The following RERG variants were observed in gnomAD, a reference collection of about 807,000 sequenced individuals.
RERG encodes the protein ras-related and estrogen-regulated growth inhibitor.
In RERG, 25 loss-of-function variants were observed where a neutral mutation model predicts 23.2. That is an observed-to-expected ratio of 1.08 (90% CI 0.79 to 1.50). RERG has a LOEUF of 1.50. Ranked by LOEUF, RERG falls within the 40% of genes most tolerant of loss-of-function variation. The pLI, the probability that RERG is intolerant of heterozygous loss-of-function variation, is 0.00. For missense variants in RERG, 253 were observed against 250.1 expected (o/e 1.01, Z -0.08); for synonymous variants, 81 against 89.1 (o/e 0.91, Z 0.51).
intron 2 of RERG, among the ~76,000 whole-genome samples, chr12:15,203,042 TTTGCA>T (rs1865238754): frequency 6.6e-6 from 1 of 151,818 alleles, no homozygotes; most frequent in Admixed American, 6.6e-5. Context: ...GCAGTTTTGA[TTTGCA>T]TTGCCCTGAT....
intron 2 of RERG, among the ~76,000 whole-genome samples, chr12:15,129,102 G>T (rs549644749): frequency 6.6e-6 from 1 of 152,302 alleles, no homozygotes; most frequent in East Asian, 1.9e-4. Context: ...AAAGCCACAT[G>T]GGGACCATGA....
intron 2 of RERG, among the ~76,000 whole-genome samples, chr12:15,126,154 T>TATATATATATATATAA (rs1863937383): frequency 7.2e-6 from 1 of 138,798 alleles, no homozygotes; most frequent in Non-Finnish European, 1.6e-5. Flanking sequence ...TATATATATG[T>TATATATATATATATAA]ATTTACACAC....
chr12:15,109,342 T>G lies in RERG; in HGVS notation c.368A>C (p.Asp123Ala), dbSNP rs766838219. 6.2e-7 allele frequency: 1 copy of G among 1,614,142 alleles called. No homozygotes were observed. The highest frequency in any genetic ancestry group is 8.5e-7 in the Non-Finnish European group (1 of 1,180,026). ...TTCTGTGCTAACCTGCCTGGAGTGG[T>G]CCAAGTCAGCTTTGTTTCCAACCAA... The part of the protein sequence containing the change: ...LILVGNKADL[D>A]HSRQVSTEEG... Residue 123 changes from aspartate (D) to alanine (A), a missense_variant, in exon 5 of 5, where the codon GAC becomes GCC. Coordinates refer to ENST00000256953, the MANE Select transcript of RERG (RefSeq NM_032918.3).
intron 2 of RERG, among the ~76,000 whole-genome samples, chr12:15,147,784 A>C (rs1230419773): frequency 6.6e-6 from 1 of 152,228 alleles, no homozygotes; most frequent in Non-Finnish European, 1.5e-5. Flanking sequence ...ATGTATGTTT[A>C]TTTAAAATTC....
chr12:15,116,610 C>G (rs1863725598), intron 3 of RERG, among the ~76,000 whole-genome samples: 1 of 151,960 alleles, frequency 6.6e-6, no homozygotes, highest in Admixed American at 6.6e-5. Flanking sequence ...TGGGTTCATA[C>G]CATTTTAAGC....
intron 2 of RERG, among the ~76,000 whole-genome samples, chr12:15,139,014 C>CTTTTTTTTTTTTTTTTTTTTT (rs34755371): frequency 2.0e-5 from 1 of 51,126 alleles, no homozygotes; most frequent in African/African-American, 7.2e-5. Flanking sequence ...TGTGTCTAGA[C>CTTTTTTTTTTTTTTTTTTTTT]TTTTTTTTTT....
intron 2 of RERG, among the ~76,000 whole-genome samples, chr12:15,193,322 T>C (rs75194798): frequency 0.015 from 2,327 of 152,296 alleles, 86 homozygotes; most frequent in African/African-American, 0.054. Flanking sequence ...CTGTTATTTA[T>C]TTTGCTTAAA....
chr12:15,162,810 G>A (rs4764176), intron 2 of RERG, among the ~76,000 whole-genome samples: 25,514 of 152,116 alleles, frequency 0.17, 2,257 homozygotes, highest in East Asian at 0.23. Flanking sequence ...TCTCAGAAAG[G>A]TAAACTTGCC....
chr12:15,184,886 GAGA>G (rs752753361), intron 2 of RERG, among the ~76,000 whole-genome samples: 1 of 152,174 alleles, frequency 6.6e-6, no homozygotes, highest in South Asian at 2.1e-4. Flanking sequence ...GGCAGGCATA[GAGA>G]AGGACATTCT....
rs34234575 is a variant in RERG, at chr12:15,129,278, C to CAA, written c.62-8161_62-8160dup. Reference sequence around the variant, plus strand: ...ATGAGCTGGATTGGAAATAAGATGTCAAAAAAAAAAAAACCCTCAGAAAAT... The same window carrying CAA: ...ATGAGCTGGATTGGAAATAAGATGTCAAAAAAAAAAAAAAACCCTCAGAAAAT... On this transcript the variant is annotated intron_variant, in intron 2 of 4. Transcript: ENST00000256953. Among the ~76,000 whole-genome samples the CAA allele has an allele frequency of 2.7e-4, 36 of 135,294 alleles. No individual in the cohort carries two copies. In the South Asian group the frequency reaches 3.1e-3, roughly 12 times the overall value. The allele number at this position is 135,294 out of a possible 152,430, so 88.8% of individuals were successfully genotyped here. A position where few individuals can be genotyped will look rare whatever the true frequency, so the allele number is the denominator to read the frequency against.
intron 2 of RERG, 75 bp from the exon 3 acceptor site, chr12:15,121,194 C>A (rs940081454): frequency 3.1e-5 from 33 of 1,064,710 alleles, no homozygotes; most frequent in African/African-American, 6.3e-5. Context: ...TTAAGGAAAG[C>A]GAAATGCTCC....
chr12:15,124,876 G>A (rs1178845421), intron 2 of RERG, among the ~76,000 whole-genome samples: 1 of 151,742 alleles, frequency 6.6e-6, no homozygotes, highest in South Asian at 2.1e-4. Flanking sequence ...CCAATTAAAA[G>A]TGCTTCAAGG....
intron 2 of RERG, among the ~76,000 whole-genome samples, chr12:15,124,669 C>A (rs1231272662): frequency 6.6e-6 from 1 of 151,982 alleles, no homozygotes; most frequent in Non-Finnish European, 1.5e-5. Flanking sequence ...TGCTATATAA[C>A]AAATCCGCTC....
intron 2 of RERG, among the ~76,000 whole-genome samples, chr12:15,169,920 ATGTGTGTGTGTGTG>A (rs61079713): frequency 1.1e-3 from 157 of 137,698 alleles, no homozygotes; most frequent in African/African-American, 3.2e-3. Flanking sequence ...TCTGCTAAAA[ATGTGTGTGTGTGTG>A]TGTGTGTGTG....
chr12:15,149,246 T>C (rs1864396747), intron 2 of RERG, among the ~76,000 whole-genome samples: 1 of 152,212 alleles, frequency 6.6e-6, no homozygotes, highest in South Asian at 2.1e-4. Flanking sequence ...GCTTATTTGT[T>C]CTTTCTGAAA....
At chr12:15,206,129 T>A (rs7303595) in intron 2 of RERG, among the ~76,000 whole-genome samples, 48,182 of 151,956 alleles carry the variant, frequency 0.32, 7,734 homozygotes, top group African/African-American at 0.34. Context: ...ACTATTATCA[T>A]ATAGCACAAA....
chr12:15,127,921 C>A (rs540616469), intron 2 of RERG, among the ~76,000 whole-genome samples: 39 of 152,128 alleles, frequency 2.6e-4, no homozygotes, highest in Admixed American at 5.9e-4. Flanking sequence ...ATTAATGTTC[C>A]CACTATACAG....
rs905047501 is a variant in RERG at position 15,107,844 on chromosome 12, A to G, written c.*1266T>C. The G allele has an allele frequency of 1.3e-5, 2 of 152,604 alleles. No individual in the cohort carries two copies. The highest frequency in any genetic ancestry group is 2.9e-5 in the Non-Finnish European group (2 of 67,990). The allele number at this position is 152,604 out of a possible 1,614,324, so 9.5% of individuals were successfully genotyped here. A position where few individuals can be genotyped will look rare whatever the true frequency, so the allele number is the denominator to read the frequency against. On this transcript the variant is annotated 3_prime_UTR_variant, in exon 5 of 5. Transcript: ENST00000256953. ...ACATAAAATAAAGTCAGTTACATCA[A>G]GTTGTCCAAATGCATTGGTGAATTA...
chr12:15,177,836 TTTG>T (rs1156443182), intron 2 of RERG, among the ~76,000 whole-genome samples: 6 of 130,892 alleles, frequency 4.6e-5, no homozygotes, highest in Admixed American at 2.3e-4. Flanking sequence ...GCTCCCTCTG[TTTG>T]TTTTTTTTTT....
Sources: gnomAD v4.1 joint callset for allele counts (sites outside exome capture counted in the v4.1 genomes callset) on GRCh38, gnomAD v4.1.1 for gene constraint, MANE v1.5 for transcripts, NCBI Gene and HGNC (gene_info 2026-07-23, HGNC 2026-07-21) for gene names.